The following WDR59 variants were observed in gnomAD, a reference collection of about 807,000 sequenced individuals.
WDR59 encodes the protein WD repeat domain 59.
In WDR59, 100 loss-of-function variants were observed where a neutral mutation model predicts 131.2. The observed-to-expected ratio is 0.76, with a 90% confidence interval of 0.65 to 0.90. The LOEUF (loss-of-function observed/expected upper bound fraction) is 0.90, where lower values mean the gene tolerates loss of function less well. Among genes scored for constraint, WDR59 ranks in the 40% least tolerant of loss-of-function variants. The pLI, the probability that WDR59 is intolerant of heterozygous loss-of-function variation, is 0.00. For missense variants in WDR59, 1,203 were observed against 1,262.2 expected (o/e 0.95, Z 0.71); for synonymous variants, 601 against 466.2 (o/e 1.29, Z -3.72).
Position 74,893,772 on chromosome 16 carries a change from G to C in WDR59, c.1907C>G (p.Ser636Cys), listed in dbSNP as rs753078025. ...RWKSKREGSD[S>C]GNRQIKAAGK... The stretch of plus-strand genomic sequence containing the variant: ...AGCAGCCTTGATCTGTCGATTGCCA[G>C]AGTCTGATCCCTCACGCTTACTTTT... The change falls in exon 19 of 26, where the codon TCT (serine) becomes TGT (cysteine). Residue 636 changes from serine (S) to cysteine (C), a missense_variant. Physicochemically the swap from Ser to Cys is moderately radical, Grantham distance 112. Coordinates refer to ENST00000262144, the MANE Select transcript of WDR59 (RefSeq NM_030581.4). 2 of 1,614,176 alleles carry C rather than the reference G, an allele frequency of 1.2e-6. No homozygotes were observed. The highest frequency in any genetic ancestry group is 1.3e-5 in the African/African-American group (1 of 75,044).
rs1964728414 is a variant in WDR59, at chr16:74,885,795, C to CTTTATTG, written c.2547-1_2547insCAATAAA (p.Arg849SerfsTer14). On this transcript the variant is annotated frameshift_variant and splice_region_variant. Coordinates refer to ENST00000262144, the MANE Select transcript of WDR59 (RefSeq NM_030581.4). LOFTEE classifies it high-confidence loss of function. ...GCTGGGTATTGGCGGGGTCCAGGAG[C>CTTTATTG]CTGGATAAAGTTAAAAAGATTTCCT... 6.2e-7 allele frequency: 1 copy of CTTTATTG among 1,607,992 alleles called. No individual in the cohort carries two copies. Among genetic ancestry groups the CTTTATTG allele is most frequent in the Non-Finnish European group, 8.5e-7 (1 of 1,178,672 alleles).
chr16:74,875,212 G>A (rs28688292), intron 25 of WDR59, among the ~76,000 whole-genome samples: 2,439 of 152,338 alleles, frequency 0.016, 44 homozygotes, highest in African/African-American at 0.052. Flanking sequence ...CCGCCGGGCG[G>A]GGACTGGTTC....
chr16:74,948,014 G>C (rs1357957708), intron 6 of WDR59, among the ~76,000 whole-genome samples: 1 of 152,108 alleles, frequency 6.6e-6, no homozygotes, highest in African/African-American at 2.4e-5. Flanking sequence ...AGGCTGCAGT[G>C]AGCCAAGGCT....
rs1263631256 is a variant in WDR59, at chr16:74,960,158, C to G, written c.105-3548G>C. 1.3e-5 allele frequency among the ~76,000 whole-genome samples: 2 copies of G among 151,702 alleles called. 1 individual carries two copies. Among genetic ancestry groups the G allele is most frequent in the Non-Finnish European group, 2.9e-5 (2 of 67,908 alleles). On this transcript the variant is annotated intron_variant, in intron 2 of 25. Coordinates refer to ENST00000262144, the MANE Select transcript of WDR59 (RefSeq NM_030581.4). ...CAGCCTGGGCAAAACGGTGAAACCC[C>G]GTTTCTACTAAAATACAAAAAAGTT...
chr16:74,896,564 G>A (rs1469447176), intron 18 of WDR59, among the ~76,000 whole-genome samples: 1 of 151,888 alleles, frequency 6.6e-6, no homozygotes, highest in Admixed American at 6.6e-5. Flanking sequence ...GAACCCGGGA[G>A]GCAGAAGTTG....
intron 21 of WDR59, among the ~76,000 whole-genome samples, chr16:74,888,872 C>A (rs1964902786): frequency 6.6e-6 from 1 of 152,196 alleles, no homozygotes; most frequent in Admixed American, 6.5e-5. Context: ...GTACTCATAT[C>A]CCCTTTGTCC....
chr16:74,911,303 A>G (rs1300992063), intron 14 of WDR59, among the ~76,000 whole-genome samples: 1 of 152,218 alleles, frequency 6.6e-6, no homozygotes, highest in Non-Finnish European at 1.5e-5. Flanking sequence ...AAATACCACA[A>G]GATCTGAGTT....
chr16:74,975,016 T>G (rs927990247), intron 1 of WDR59, among the ~76,000 whole-genome samples: 4 of 152,172 alleles, frequency 2.6e-5, no homozygotes, highest in African/African-American at 7.2e-5. Flanking sequence ...GAGCCTGGCA[T>G]GGCCTGGGGA....
chr16:74,889,913 T>C (rs1964956390), intron 20 of WDR59, 98 bp from the exon 21 acceptor site: 2 of 820,848 alleles, frequency 2.4e-6, no homozygotes, highest in East Asian at 2.6e-5. Flanking sequence ...ACCTGATGCC[T>C]TGCTACATTG....
intron 14 of WDR59, among the ~76,000 whole-genome samples, chr16:74,910,636 A>G (rs1340377594): frequency 6.6e-6 from 1 of 152,222 alleles, no homozygotes; most frequent in African/African-American, 2.4e-5. Flanking sequence ...TTCAGTGAAA[A>G]TTATAATGTA....
At chr16:74,888,702 G>A (rs1221053003) in intron 21 of WDR59, among the ~76,000 whole-genome samples, 1 of 152,158 alleles carries the variant, frequency 6.6e-6, no homozygotes, top group Non-Finnish European at 1.5e-5. Flanking sequence ...ACTGCTTTTG[G>A]GGGATTCCCA....
At chr16:74,891,788 G>A (rs536458762) in intron 20 of WDR59, among the ~76,000 whole-genome samples, 2 of 152,286 alleles carry the variant, frequency 1.3e-5, no homozygotes, top group African/African-American at 2.4e-5. Context: ...GCCGGGTTTG[G>A]TGGCACGCAT....
intron 11 of WDR59, among the ~76,000 whole-genome samples, chr16:74,917,675 G>T (rs35426289): frequency 0.25 from 37,228 of 151,700 alleles, 4,719 homozygotes; most frequent in Middle Eastern, 0.33. Context: ...CGAGTGTGTT[G>T]GTGGGCGCCT....
At chr16:74,903,381 C>T (rs528811794) in intron 18 of WDR59, among the ~76,000 whole-genome samples, 1 of 152,082 alleles carries the variant, frequency 6.6e-6, no homozygotes, top group Non-Finnish European at 1.5e-5. Flanking sequence ...TTAATGATAA[C>T]TACTTTAGGG....
At chr16:74,965,667 A>G (rs184379655) in intron 2 of WDR59, 106 bp downstream of exon 2, 92 of 1,367,582 alleles carry the variant, frequency 6.7e-5, no homozygotes, top group Non-Finnish European at 2.0e-5. Flanking sequence ...ACTAAACCCT[A>G]TGATCATAAT....
chr16:74,885,394 G>C (rs1229603781), intron 25 of WDR59, among the ~76,000 whole-genome samples: 1 of 128,658 alleles, frequency 7.8e-6, no homozygotes, highest in Admixed American at 1.0e-4. Context: ...GGTTCAGTGA[G>C]CTGAGATCAC....
intron 3 of WDR59, among the ~76,000 whole-genome samples, chr16:74,955,151 C>G (rs191335291): frequency 9.9e-4 from 151 of 152,300 alleles, no homozygotes; most frequent in African/African-American, 3.5e-3. Context: ...TTAGCACTCC[C>G]GAACAAATGC....
At chr16:74,901,848 A>G (rs1290656133) in intron 18 of WDR59, among the ~76,000 whole-genome samples, 1 of 149,086 alleles carries the variant, frequency 6.7e-6, no homozygotes, top group African/African-American at 2.4e-5. Context: ...TATCATGGCC[A>G]TATCACGCTT....
At chr16:74,934,395 T>A (rs1468142124) in intron 8 of WDR59, among the ~76,000 whole-genome samples, 2 of 152,182 alleles carry the variant, frequency 1.3e-5, no homozygotes, top group East Asian at 3.8e-4. Context: ...ATGGGATTAA[T>A]TAGAGGACCC....
Sources: gnomAD v4.1 joint callset for allele counts (sites outside exome capture counted in the v4.1 genomes callset) on GRCh38, gnomAD v4.1.1 for gene constraint, MANE v1.5 for transcripts, NCBI Gene and HGNC (gene_info 2026-07-23, HGNC 2026-07-21) for gene names.